Variants in NCAM2 observed in about 807,000 individuals in gnomAD.
NCAM2 encodes the protein N-CAM-2.
A neutral mutation model predicts 98.1 loss-of-function variants in NCAM2; 30 were observed. The ratio of observed to expected loss-of-function variants is 0.31; its 90% CI spans 0.23 to 0.41. The LOEUF (loss-of-function observed/expected upper bound fraction) is 0.41, where lower values mean the gene tolerates loss of function less well. NCAM2 is among the 10% of genes least tolerant of loss of function. The probability of loss-of-function intolerance (pLI) is 1.00; values close to 1 mark genes in which losing one functional copy is unlikely to be tolerated. For missense variants in NCAM2, 867 were observed against 1,005.8 expected, an observed-to-expected ratio of 0.86 and a Z score of 1.87; for synonymous variants, 368 against 342.4, an observed-to-expected ratio of 1.07 and a Z score of -0.83.
chr21:21,505,515 A>G (rs1987926367), intron 15 of NCAM2, among the ~76,000 whole-genome samples: 1 of 152,126 alleles, frequency 6.6e-6, no homozygotes, highest in South Asian at 2.1e-4. Context: ...AATGAAGCAT[A>G]TAATTATACT....
At chr21:21,168,670 T>C (rs914270013) in intron 1 of NCAM2, among the ~76,000 whole-genome samples, 2 of 140,060 alleles carry the variant, frequency 1.4e-5, no homozygotes, top group African/African-American at 5.0e-5. Context: ...CCAAATAAAA[T>C]TTGAAACTAA....
chr21:21,508,839 T>G lies in NCAM2; in HGVS notation c.2078-12T>G. Reference sequence around the variant, plus strand: ...TTTTTTTTTTTTTTTTTTTTTTTTTTTACTTTTTAAGACACGCTGTTTAAT... The same window carrying G: ...TTTTTTTTTTTTTTTTTTTTTTTTTGTACTTTTTAAGACACGCTGTTTAAT... On this transcript the variant is annotated splice_polypyrimidine_tract_variant and intron_variant, in intron 15 of 17. Transcript: ENST00000400546. The G allele has an allele frequency of 9.8e-7, 1 of 1,018,280 alleles. No individual in the cohort carries two copies. The allele number at this position is 1,018,280 out of a possible 1,614,324, so 63.1% of individuals were successfully genotyped here. A position where few individuals can be genotyped will look rare whatever the true frequency, so the allele number is the denominator to read the frequency against.
intron 9 of NCAM2, among the ~76,000 whole-genome samples, chr21:21,391,781 G>A (rs927523789): frequency 6.7e-6 from 1 of 149,046 alleles, no homozygotes; most frequent in Non-Finnish European, 1.5e-5. Context: ...TTCTTCACAT[G>A]CAACAGAATT....
intron 1 of NCAM2, among the ~76,000 whole-genome samples, chr21:21,083,574 C>G (rs529233699): frequency 6.6e-6 from 1 of 152,048 alleles, no homozygotes; most frequent in East Asian, 1.9e-4. Context: ...TCACCACACC[C>G]AACTAATCTT....
chr21:21,340,923 T>C (rs1002345505), intron 8 of NCAM2, among the ~76,000 whole-genome samples: 6 of 152,036 alleles, frequency 3.9e-5, no homozygotes, highest in African/African-American at 1.4e-4. Context: ...AAAATGTTGA[T>C]ATTTACCCTC....
chr21:21,392,941 C>G (rs145792871), intron 9 of NCAM2, among the ~76,000 whole-genome samples: 82 of 152,216 alleles, frequency 5.4e-4, no homozygotes, highest in African/African-American at 1.6e-3. Flanking sequence ...GTGCTAGAAG[C>G]TCTTTAGTTT....
chr21:21,028,443 A>G (rs1031307862), intron 1 of NCAM2, among the ~76,000 whole-genome samples: 1 of 152,242 alleles, frequency 6.6e-6, no homozygotes, highest in Non-Finnish European at 1.5e-5. Context: ...AACCAAACAC[A>G]GTGATTCACA....
intron 1 of NCAM2, among the ~76,000 whole-genome samples, chr21:21,274,731 T>TA (rs923923791): frequency 2.5e-4 from 38 of 152,040 alleles, no homozygotes; most frequent in African/African-American, 8.7e-4. Context: ...CCTAGAAAAA[T>TA]AAAAAAAGTG....
intron 1 of NCAM2, among the ~76,000 whole-genome samples, chr21:21,161,733 G>C (rs1158662929): frequency 6.6e-6 from 1 of 151,844 alleles, no homozygotes; most frequent in African/African-American, 2.4e-5. Context: ...TAGTGTTACT[G>C]GAAGGACCAA....
At chr21:21,005,807 C>T (rs897580078) in intron 1 of NCAM2, among the ~76,000 whole-genome samples, 4 of 150,164 alleles carry the variant, frequency 2.7e-5, no homozygotes, top group African/African-American at 7.3e-5. Context: ...AGAACGCCCC[C>T]CCCAAAAAAA....
intron 1 of NCAM2, among the ~76,000 whole-genome samples, chr21:21,071,233 T>C (rs1023915538): frequency 2.6e-5 from 4 of 152,086 alleles, no homozygotes; most frequent in South Asian, 2.1e-4. Context: ...TCTTAGGGAA[T>C]AGACATTTGA....
At chr21:21,317,550 A>AT (rs149829915) in intron 5 of NCAM2, among the ~76,000 whole-genome samples, 24,245 of 151,628 alleles carry the variant, frequency 0.16, 2,318 homozygotes, top group Middle Eastern at 0.3. Flanking sequence ...TTAATTAATT[A>AT]TTTTTTTTGA....
chr21:21,452,961 ATAT>A (rs967229503), intron 12 of NCAM2, among the ~76,000 whole-genome samples: 2,866 of 39,792 alleles, frequency 0.072, 170 homozygotes, highest in African/African-American at 0.21. Context: ...TATATATTAT[ATAT>A]TATATATTAT....
chr21:21,094,662 A>G lies in NCAM2; in HGVS notation c.55+96044A>G, dbSNP rs111248020. On this transcript the variant is annotated intron_variant, in intron 1 of 17. Transcript: ENST00000400546. ...ATTTCTAAATACGTTCTCAGAATAA[A>G]TGTATGTAGTGTTTTGAACTGTAAA... is the stretch of plus-strand genomic sequence containing the variant. 7.8e-4 allele frequency among the ~76,000 whole-genome samples: 119 copies of G among 151,868 alleles called. 2 individuals carry two copies. Among genetic ancestry groups the G allele is most frequent in the African/African-American group, 2.8e-3 (115 of 41,538 alleles).
intron 1 of NCAM2, among the ~76,000 whole-genome samples, chr21:21,101,571 C>G (rs2066241562): frequency 6.6e-6 from 1 of 151,978 alleles, no homozygotes; most frequent in Non-Finnish European, 1.5e-5. Context: ...TATTTCAAAT[C>G]TGTCATTCTG....
In NCAM2 at chr21:21,508,840, T is replaced by C. The variant is rs1437138900; in HGVS notation, c.2078-11T>C. On this transcript the variant is annotated splice_polypyrimidine_tract_variant and intron_variant, in intron 15 of 17. Coordinates refer to ENST00000400546, the MANE Select transcript of NCAM2 (RefSeq NM_004540.5). ...TTTTTTTTTTTTTTTTTTTTTTTTT[T>C]ACTTTTTAAGACACGCTGTTTAATG... is the stretch of plus-strand genomic sequence containing the variant. 11 of 913,582 alleles carry C rather than the reference T, an allele frequency of 1.2e-5. No individual in the cohort carries two copies. The highest frequency in any genetic ancestry group is 7.2e-5 in the African/African-American group (3 of 41,542). 56.6% of individuals were successfully genotyped at this position (913,582 alleles called of 1,614,324 possible).
intron 1 of NCAM2, among the ~76,000 whole-genome samples, chr21:21,070,654 A>G (rs964506524): frequency 6.6e-6 from 1 of 152,184 alleles, no homozygotes; most frequent in African/African-American, 2.4e-5. Context: ...TAAAGAAGTC[A>G]TTGACTACTT....
intron 5 of NCAM2, among the ~76,000 whole-genome samples, chr21:21,311,335 ATTTTTT>A (rs57458011): frequency 1.3e-3 from 139 of 108,566 alleles, no homozygotes; most frequent in East Asian, 0.012. Flanking sequence ...AATATGGGGC[ATTTTTT>A]TTTTTTTTTT....
chr21:21,082,457 T>C (rs1276403331), intron 1 of NCAM2, among the ~76,000 whole-genome samples: 1 of 152,160 alleles, frequency 6.6e-6, no homozygotes, highest in African/African-American at 2.4e-5. Flanking sequence ...CTAAATTCTC[T>C]ACCACGATAA....
Sources: allele counts gnomAD v4.1 joint callset (sites outside exome capture counted in the v4.1 genomes callset), GRCh38; gene constraint gnomAD v4.1.1; transcripts MANE v1.5; gene names NCBI Gene and HGNC (gene_info 2026-07-23, HGNC 2026-07-21).